TANGO6: variants seen among roughly 807,000 people sequenced by gnomAD.
The protein encoded by TANGO6 is transport and golgi organization 6 homolog.
In TANGO6, 90 loss-of-function variants were observed where a neutral mutation model predicts 114.2. The observed-to-expected ratio is 0.79, with a 90% CI of 0.66 to 0.94. The LOEUF is 0.94. TANGO6 is among the 40% of genes least tolerant of loss of function. The pLI, the probability that TANGO6 is intolerant of heterozygous loss-of-function variation, is 0.00. For missense variants in TANGO6, 1,274 were observed against 1,315.3 expected (o/e 0.97, Z 0.49); for synonymous variants, 477 against 509.8 (o/e 0.94, Z 0.87).
chr16:69,059,351 C>T (rs577999031), intron 17 of TANGO6, among the ~76,000 whole-genome samples: 5 of 151,750 alleles, frequency 3.3e-5, no homozygotes, highest in East Asian at 3.9e-4. Flanking sequence ...GGACTACAGG[C>T]GTGAGCCACC....
At chr16:69,011,314 G>T (rs1474707255) in intron 15 of TANGO6, among the ~76,000 whole-genome samples, 1 of 152,126 alleles carries the variant, frequency 6.6e-6, no homozygotes, top group African/African-American at 2.4e-5. Flanking sequence ...TAAAAGAATG[G>T]TGTAAGAATT....
At chr16:68,968,005 A>G (rs2152211116) in intron 14 of TANGO6, among the ~76,000 whole-genome samples, 1 of 152,116 alleles carries the variant, frequency 6.6e-6, no homozygotes, top group Admixed American at 6.6e-5. Flanking sequence ...GTCTTGGGGG[A>G]AGAAAAAAAA....
At chr16:68,862,806 A>G in intron 2 of TANGO6, 139 bp from the exon 3 acceptor site, 1 of 685,898 alleles carries the variant, frequency 1.5e-6, no homozygotes. Flanking sequence ...AGCTTCCCCC[A>G]TGTGGAAGGA....
At chr16:68,854,406 C>T (rs1018951328) in intron 1 of TANGO6, among the ~76,000 whole-genome samples, 1 of 152,068 alleles carries the variant, frequency 6.6e-6, no homozygotes, top group African/African-American at 2.4e-5. Flanking sequence ...AATCAGGCCA[C>T]TGCACTCCAG....
intron 15 of TANGO6, among the ~76,000 whole-genome samples, chr16:69,022,196 A>AT (rs2152227996): frequency 6.6e-6 from 1 of 151,946 alleles, no homozygotes; most frequent in African/African-American, 2.4e-5. Context: ...GTGTATGTAA[A>AT]TTTTTTAAGT....
At chr16:68,958,133 T>A (rs1020100623) in intron 14 of TANGO6, among the ~76,000 whole-genome samples, 1 of 149,572 alleles carries the variant, frequency 6.7e-6, no homozygotes, top group African/African-American at 2.5e-5. Context: ...ACTGCGCCAT[T>A]GCACTCCAGC....
At chr16:68,909,886 G>T (rs1382226918) in intron 11 of TANGO6, among the ~76,000 whole-genome samples, 3 of 152,072 alleles carry the variant, frequency 2.0e-5, no homozygotes, top group Admixed American at 2.0e-4. Flanking sequence ...AGATCACCTT[G>T]AATTTCATTA....
chr16:69,079,012 C>G (rs1254249313), intron 17 of TANGO6, among the ~76,000 whole-genome samples: 2 of 152,074 alleles, frequency 1.3e-5, no homozygotes, highest in Non-Finnish European at 2.9e-5. Flanking sequence ...TGCACTCCAG[C>G]CTGGGAGACT....
chr16:69,081,503 C>A (rs1960465157), intron 17 of TANGO6, among the ~76,000 whole-genome samples: 1 of 151,616 alleles, frequency 6.6e-6, no homozygotes, highest in Non-Finnish European at 1.5e-5. Context: ...GCCACCACAC[C>A]TGCTAATTTT....
At chr16:69,048,282 T>TG (rs1959894265) in intron 17 of TANGO6, among the ~76,000 whole-genome samples, 2 of 110,360 alleles carry the variant, frequency 1.8e-5, no homozygotes. Context: ...TTTTTTTTTT[T>TG]GTAGAGGTGG....
Position 68,878,289 on chromosome 16 carries a change from G to A in TANGO6, c.1294+9G>A. Reference sequence around the variant, plus strand: ...ATGTTTGAATACAGCAGGTAAAGGAGGAAGTGTGGTGGCTGTGTGTGCCTC... The same window carrying A: ...ATGTTTGAATACAGCAGGTAAAGGAAGAAGTGTGGTGGCTGTGTGTGCCTC... On this transcript the variant is annotated intron_variant, in intron 6 of 17. Coordinates refer to ENST00000261778, the MANE Select transcript of TANGO6 (RefSeq NM_024562.2). 6.3e-7 allele frequency: 1 copy of A among 1,585,332 alleles called. No individual in the cohort carries two copies. The highest frequency in any genetic ancestry group is 1.2e-5 in the South Asian group (1 of 84,386).
chr16:68,909,005 G>A (rs1962887894), intron 10 of TANGO6, among the ~76,000 whole-genome samples: 1 of 152,064 alleles, frequency 6.6e-6, no homozygotes, highest in African/African-American at 2.4e-5. Context: ...TATTTTAACT[G>A]CTGTGATACA....
intron 5 of TANGO6, among the ~76,000 whole-genome samples, chr16:68,875,791 C>T (rs1472423497): frequency 6.6e-6 from 1 of 151,650 alleles, no homozygotes; most frequent in African/African-American, 2.4e-5. Flanking sequence ...AAAAGAATGC[C>T]TCACCACTAC....
intron 6 of TANGO6, 84 bp downstream of exon 6, chr16:68,878,364 A>G: frequency 2.1e-6 from 3 of 1,432,572 alleles, no homozygotes; most frequent in East Asian, 2.4e-5. Flanking sequence ...AATCTGTGTT[A>G]TATCAGTCTC....
Position 68,915,020 on chromosome 16 carries a change from G to A in TANGO6, c.1993-4065G>A, listed in dbSNP as rs542728657. 1.3e-4 allele frequency among the ~76,000 whole-genome samples: 20 copies of A among 149,860 alleles called. No individual in the cohort carries two copies. In the South Asian group the frequency reaches 3.8e-3, roughly 29 times the overall value. On this transcript the variant is annotated intron_variant, in intron 11 of 17. Transcript: ENST00000261778. Reference sequence around the variant, plus strand: ...ACACACATATAGATAGTGGAGGATGGGCGCAGTGGCTTATGCTTGTTATCC... The same window carrying A: ...ACACACATATAGATAGTGGAGGATGAGCGCAGTGGCTTATGCTTGTTATCC...
intron 14 of TANGO6, among the ~76,000 whole-genome samples, chr16:68,948,426 G>A (rs1963438356): frequency 6.6e-6 from 1 of 152,162 alleles, no homozygotes; most frequent in Non-Finnish European, 1.5e-5. Flanking sequence ...AGGATGTTAA[G>A]TAACTGGCCC....
chr16:68,884,187 G>A (rs1404780246), intron 7 of TANGO6, among the ~76,000 whole-genome samples: 2 of 152,280 alleles, frequency 1.3e-5, no homozygotes, highest in Non-Finnish European at 2.9e-5. Context: ...TGGGATTACA[G>A]GCATAAGCCA....
At chr16:69,041,215 G>A (rs1959768335) in intron 17 of TANGO6, among the ~76,000 whole-genome samples, 1 of 152,058 alleles carries the variant, frequency 6.6e-6, no homozygotes. Context: ...AGGAGGCCGA[G>A]GCAGGCGGAT....
At chr16:69,066,550 G>T (rs1167157930) in intron 17 of TANGO6, among the ~76,000 whole-genome samples, 1 of 152,096 alleles carries the variant, frequency 6.6e-6, no homozygotes, top group Non-Finnish European at 1.5e-5. Flanking sequence ...GCCCACCTTG[G>T]CCTCCCAAAG....
Sources: gnomAD v4.1 joint callset for allele counts (sites outside exome capture counted in the v4.1 genomes callset) on GRCh38, gnomAD v4.1.1 for gene constraint, MANE v1.5 for transcripts, NCBI Gene and HGNC (gene_info 2026-07-23, HGNC 2026-07-21) for gene names.